DCDC1: variants seen among roughly 807,000 people sequenced by gnomAD.
DCDC1 encodes doublecortin domain containing 1, also known as doublecortin domain-containing protein 1.
Under a neutral mutation model 178.3 loss-of-function variants are expected in DCDC1, and 200 were observed. The observed-to-expected ratio is 1.12, with a 90% CI of 1.00 to 1.26. The LOEUF is 1.26. DCDC1 is among the 50% of genes most tolerant of loss of function. The probability of loss-of-function intolerance (pLI) is 0.00; values close to 1 mark genes in which losing one functional copy is unlikely to be tolerated. For synonymous variants in DCDC1, 690 were observed against 604.8 expected (o/e 1.14, Z -2.07); for missense variants, 1,983 against 1,749.2 (o/e 1.13, Z -2.38).
chr11:30,926,581 G>GT (rs1328851154), intron 22 of DCDC1, among the ~76,000 whole-genome samples: 2 of 152,186 alleles, frequency 1.3e-5, no homozygotes, highest in Non-Finnish European at 2.9e-5. Context: ...AAACAATACT[G>GT]TGAGGATATC....
Position 31,328,208 on chromosome 11 carries a change from T to C in DCDC1, c.73A>G (p.Met25Val), listed in dbSNP as rs142543610. ...GGGCTACTTTGCTGTAATACTTCCA[T>C]TGCTTCAGTCAAGAGGGATAAGGAA... ...QSSLSLLTEA[M>V]EVLQQSSPEG... Residue 25 changes from methionine (M) to valine (V), a missense_variant, in exon 3 of 39, where the codon ATG becomes GTG. Coordinates refer to ENST00000684477, the MANE Select transcript of DCDC1 (RefSeq NM_001387274.1). 10 of 1,612,576 alleles carry C rather than the reference T, an allele frequency of 6.2e-6. No homozygotes were observed. In the Admixed American group the frequency reaches 1.0e-4, roughly 16 times the overall value.
intron 35 of DCDC1, among the ~76,000 whole-genome samples, chr11:30,893,632 G>T (rs920359921): frequency 5.9e-5 from 9 of 152,140 alleles, no homozygotes; most frequent in African/African-American, 1.9e-4. Flanking sequence ...ACTTGGGCAC[G>T]TGCCTAAGAT....
At chr11:31,033,051 T>C (rs1294101147) in intron 20 of DCDC1, among the ~76,000 whole-genome samples, 1 of 152,066 alleles carries the variant, frequency 6.6e-6, no homozygotes, top group Non-Finnish European at 1.5e-5. Context: ...CCCAGCTGTT[T>C]AGAGAGGGGC....
At chr11:31,069,132 T>G (rs943498730) in intron 18 of DCDC1, among the ~76,000 whole-genome samples, 2 of 152,178 alleles carry the variant, frequency 1.3e-5, no homozygotes, top group Non-Finnish European at 2.9e-5. Flanking sequence ...ATTACAGGCA[T>G]GAGCCACCGC....
At chr11:31,352,254 C>T (rs187256819) in intron 1 of DCDC1, among the ~76,000 whole-genome samples, 185 of 152,214 alleles carry the variant, frequency 1.2e-3, no homozygotes, top group Non-Finnish European at 2.3e-3. Flanking sequence ...TAAGGATTGA[C>T]TAGTCTACCA....
chr11:31,151,695 C>T (rs912096081), intron 9 of DCDC1, among the ~76,000 whole-genome samples: 3 of 152,114 alleles, frequency 2.0e-5, no homozygotes, highest in Non-Finnish European at 2.9e-5. Context: ...ATGTAAAGTA[C>T]GTGAATGTTA....
Position 31,295,203 on chromosome 11 carries a change from A to C in DCDC1, c.755-4351T>G, listed in dbSNP as rs576809096. Reference sequence around the variant, plus strand: ...CCTAATACAATGTGAATGCTAAGTAAATAGTTGTTATACTGTATTTTTGTT... The same window carrying C: ...CCTAATACAATGTGAATGCTAAGTACATAGTTGTTATACTGTATTTTTGTT... On this transcript the variant is annotated intron_variant, in intron 6 of 38. Coordinates refer to ENST00000684477, the MANE Select transcript of DCDC1 (RefSeq NM_001387274.1). Among the ~76,000 whole-genome samples, 27 of 152,328 alleles carry C rather than the reference A, an allele frequency of 1.8e-4. 1 individual carries two copies. The highest frequency in any genetic ancestry group is 6.5e-4 in the African/African-American group (27 of 41,572).
At chr11:31,322,227 T>C (rs1298238665) in intron 3 of DCDC1, among the ~76,000 whole-genome samples, 3 of 152,214 alleles carry the variant, frequency 2.0e-5, no homozygotes, top group African/African-American at 4.8e-5. Flanking sequence ...TTGATAATTA[T>C]GACAGCGTGC....
intron 20 of DCDC1, among the ~76,000 whole-genome samples, chr11:31,014,205 T>TTCTC (rs935055426): frequency 6.7e-6 from 1 of 149,564 alleles, no homozygotes. Flanking sequence ...CACTCTCTCT[T>TTCTC]TCTCTCTCTC....
At chr11:30,888,678 T>C (rs1943524945) in intron 36 of DCDC1, among the ~76,000 whole-genome samples, 1 of 152,096 alleles carries the variant, frequency 6.6e-6, no homozygotes, top group Middle Eastern at 3.2e-3. Flanking sequence ...GATAGCGCCA[T>C]TGCACTCCAG....
chr11:31,364,663 C>T (rs976502350), intron 1 of DCDC1, among the ~76,000 whole-genome samples: 1 of 152,158 alleles, frequency 6.6e-6, no homozygotes, highest in African/African-American at 2.4e-5. Flanking sequence ...TACTGCCTTG[C>T]ACAAACTCAA....
intron 8 of DCDC1, among the ~76,000 whole-genome samples, chr11:31,260,476 C>A (rs1251789992): frequency 1.3e-5 from 2 of 152,052 alleles, no homozygotes; most frequent in African/African-American, 4.8e-5. Context: ...ATATTTTGGA[C>A]AGAATTGCTG....
intron 20 of DCDC1, among the ~76,000 whole-genome samples, chr11:30,974,220 G>A (rs1054092571): frequency 6.6e-6 from 1 of 150,974 alleles, no homozygotes; most frequent in Non-Finnish European, 1.5e-5. Flanking sequence ...AAGCCTGTCG[G>A]ATACAGTAAA....
chr11:31,362,202 A>G (rs1233313336), intron 1 of DCDC1, among the ~76,000 whole-genome samples: 1 of 152,216 alleles, frequency 6.6e-6, no homozygotes, highest in Non-Finnish European at 1.5e-5. Context: ...ACACTGTACT[A>G]TGGAATAACC....
intron 20 of DCDC1, among the ~76,000 whole-genome samples, chr11:31,009,438 T>TG (rs1952038047): frequency 2.8e-5 from 4 of 144,424 alleles, no homozygotes; most frequent in African/African-American, 1.0e-4. Flanking sequence ...CACAGTTTCT[T>TG]TGTGTGTGTG....
intron 9 of DCDC1, among the ~76,000 whole-genome samples, chr11:31,164,192 C>T (rs1966574667): frequency 6.6e-6 from 1 of 152,014 alleles, no homozygotes; most frequent in African/African-American, 2.4e-5. Flanking sequence ...ATGCTAACAG[C>T]ATTTTGATCA....
At chr11:31,030,535 C>T (rs1002654106) in intron 20 of DCDC1, among the ~76,000 whole-genome samples, 4 of 152,194 alleles carry the variant, frequency 2.6e-5, no homozygotes, top group Non-Finnish European at 5.9e-5. Context: ...AGCCTGGGCC[C>T]CCAGCTGAGT....
intron 20 of DCDC1, among the ~76,000 whole-genome samples, chr11:31,006,853 C>T (rs1343937581): frequency 1.3e-5 from 2 of 152,130 alleles, no homozygotes; most frequent in Non-Finnish European, 2.9e-5. Context: ...TTATCTTATA[C>T]CACTTGATTA....
At chr11:31,032,463 G>A (rs971037146) in intron 20 of DCDC1, among the ~76,000 whole-genome samples, 1 of 151,398 alleles carries the variant, frequency 6.6e-6, no homozygotes, top group African/African-American at 2.4e-5. Context: ...GAAACAAAAT[G>A]AACAAATAAC....
Sources: gnomAD v4.1 joint callset for allele counts (sites outside exome capture counted in the v4.1 genomes callset) on GRCh38, gnomAD v4.1.1 for gene constraint, MANE v1.5 for transcripts, NCBI Gene and HGNC (gene_info 2026-07-23, HGNC 2026-07-21) for gene names.